AKAP13: variants seen among roughly 807,000 people sequenced by gnomAD.
AKAP13 encodes the protein A-kinase anchor protein 13.
AKAP13 carries 80 observed loss-of-function variants against 264.5 expected under a neutral mutation model. The ratio of observed to expected loss-of-function variants is 0.30; its 90% CI spans 0.25 to 0.36. AKAP13 has a LOEUF of 0.36. AKAP13 is among the 10% of genes least tolerant of loss of function. The pLI is 1.00. For missense variants in AKAP13, 3,712 were observed against 3,435.2 expected, an observed-to-expected ratio of 1.08 and a Z score of -2.01; for synonymous variants, 1,380 against 1,250.2, an observed-to-expected ratio of 1.10 and a Z score of -2.19.
In AKAP13 at chr15:85,718,281, T is replaced by G; in HGVS notation, c.6001+122T>G. 8.2e-7 allele frequency: 1 copy of G among 1,212,862 alleles called. No homozygotes were observed. Among genetic ancestry groups the G allele is most frequent in the Admixed American group, 2.4e-5 (1 of 41,948 alleles). The allele number at this position is 1,212,862 out of a possible 1,614,324, so 75.1% of individuals were successfully genotyped here. On this transcript the variant is annotated intron_variant, in intron 22 of 36. Transcript: ENST00000394518. The surrounding 1 kb of genome is among the most constrained non-coding windows in gnomAD (Gnocchi z 4.9). ...ATGTGGCTTCTTGAAAAGATTTCCT[T>G]TAAAAACTTTAAGGTACAGAGACGT...
At chr15:85,544,696 A>G (rs2077677187) in intron 5 of AKAP13, among the ~76,000 whole-genome samples, 1 of 152,262 alleles carries the variant, frequency 6.6e-6, no homozygotes, top group Non-Finnish European at 1.5e-5. Flanking sequence ...ATGTTTATAT[A>G]AAGAAGTTTC....
chr15:85,651,017 A>G (rs1441025516), intron 10 of AKAP13, among the ~76,000 whole-genome samples: 1 of 152,116 alleles, frequency 6.6e-6, no homozygotes, highest in Non-Finnish European at 1.5e-5. Flanking sequence ...ATGTTTGGGA[A>G]TAAATGGAGA....
chr15:85,487,888 T>G (rs900889060), intron 2 of AKAP13, among the ~76,000 whole-genome samples: 2 of 152,122 alleles, frequency 1.3e-5, no homozygotes, highest in African/African-American at 4.8e-5. Context: ...TGCGCCATCA[T>G]GCCTGGCTAT....
At chr15:85,524,841 G>T in intron 3 of AKAP13, among the ~76,000 whole-genome samples, 1 of 150,154 alleles carries the variant, frequency 6.7e-6, no homozygotes, top group Non-Finnish European at 1.5e-5. Context: ...CTGTCTGTCT[G>T]TCCCTCCCTC....
chr15:85,743,538 C>T lies in AKAP13; in HGVS notation c.8105C>T (p.Pro2702Leu), dbSNP rs752868534. 3 of 1,614,210 alleles carry T rather than the reference C, an allele frequency of 1.9e-6. No individual in the cohort carries two copies. The South Asian group carries it at 3.3e-5, about 18-fold the overall frequency. The change falls in exon 36 of 37, where the codon CCC (proline) becomes CTC (leucine). Residue 2702 changes from proline to leucine, a missense_variant. Transcript: ENST00000394518. ...CTGATGAGGATCCCATCGTTCTTCC[C>T]CAGTCCTGAGGAGCCCCCCTCGCCA... ...TKLMRIPSFF[P>L]SPEEPPSPSA...
chr15:85,691,984 C>T lies in AKAP13; in HGVS notation c.5290-1293C>T, dbSNP rs183827095. 710 of 429,856 alleles carry T rather than the reference C, an allele frequency of 1.7e-3. 11 individuals carry two copies. The highest frequency in any genetic ancestry group is 0.011 in the South Asian group (692 of 61,112). The allele number at this position is 429,856 out of a possible 1,614,324, so 26.6% of individuals were successfully genotyped here. A position where few individuals can be genotyped will look rare whatever the true frequency, so the allele number is the denominator to read the frequency against. On this transcript the variant is annotated intron_variant, in intron 16 of 36. Transcript: ENST00000394518. ...AGTGAGCTACTAAGCCTTGGGACTT[C>T]CTTTCCCTGGAACCCCATTTTTTTA... is the stretch of plus-strand genomic sequence containing the variant.
At chr15:85,451,107 A>G (rs987284045) in intron 1 of AKAP13, among the ~76,000 whole-genome samples, 1 of 152,026 alleles carries the variant, frequency 6.6e-6, no homozygotes, top group Non-Finnish European at 1.5e-5. Flanking sequence ...CCATTATCCC[A>G]TGCCCTTCCT....
At chr15:85,418,477 C>T (rs1024297698) in intron 1 of AKAP13, among the ~76,000 whole-genome samples, 2 of 152,136 alleles carry the variant, frequency 1.3e-5, no homozygotes, top group African/African-American at 2.4e-5. Flanking sequence ...ATGTGGCTAA[C>T]CCAAATTGAG....
chr15:85,619,429 A>C (rs766283731), intron 8 of AKAP13: 2 of 985,232 alleles, frequency 2.0e-6, no homozygotes, highest in Admixed American at 6.1e-5. Context: ...GAGATTTTCA[A>C]CTTAAATCAA....
chr15:85,741,334 C>G lies in AKAP13; in HGVS notation c.7897C>G (p.Leu2633Val), dbSNP rs148383842. 1 of 1,613,574 alleles carries G rather than the reference C, an allele frequency of 6.2e-7. No individual in the cohort carries two copies. The highest frequency in any genetic ancestry group is 1.3e-5 in the African/African-American group (1 of 75,036). The change falls in exon 35 of 37, where the codon CTG (leucine) becomes GTG (valine). Residue 2633 changes from leucine to valine, a missense_variant. Leu to Val is a conservative substitution (Grantham distance 32, BLOSUM62 1). This residue lies in a region of AKAP13 where 611 missense variants were observed against 539.3 expected (regional missense o/e 1.13). Transcript: ENST00000394518. ...GGAGGTGCAGCAGGGGCAGCAGGAC[C>G]TGGAAAAGGAGCGGGAGGAGCTCCA... ...EEEVQQGQQDLEKEREELQQK... is the reference protein window; with the variant it reads ...EEEVQQGQQDVEKEREELQQK...
In AKAP13 at chr15:85,695,399, A is replaced by G. The variant is rs367992829; in HGVS notation, c.5464+1948A>G. ...AGCCTGGGCAACAGAGTGAGACTCCATCTCAAAAAAACACACACAAAAAAA... is the reference window on the plus strand; with the variant it reads ...AGCCTGGGCAACAGAGTGAGACTCCGTCTCAAAAAAACACACACAAAAAAA... On this transcript the variant is annotated intron_variant, in intron 17 of 36. Coordinates refer to ENST00000394518, the MANE Select transcript of AKAP13 (RefSeq NM_007200.5). 2.0e-4 allele frequency among the ~76,000 whole-genome samples: 30 copies of G among 152,272 alleles called. No homozygotes were observed. In the East Asian group the frequency reaches 5.2e-3, roughly 27 times the overall value.
chr15:85,682,043 C>A, intron 14 of AKAP13, 115 bp from the exon 15 acceptor site: 1 of 934,048 alleles, frequency 1.1e-6, no homozygotes, highest in Non-Finnish European at 1.7e-6. Flanking sequence ...GTACCATGTG[C>A]TGACTTTCAC....
intron 8 of AKAP13, among the ~76,000 whole-genome samples, chr15:85,601,608 T>TTGTGTGTG (rs10574160): frequency 0.053 from 6,951 of 131,998 alleles, 212 homozygotes; most frequent in East Asian, 0.1. Context: ...CCTGAATTCT[T>TTGTGTGTG]TGTGTGTGTG....
At chr15:85,620,059 C>T in intron 8 of AKAP13, 5 of 1,535,898 alleles carry the variant, frequency 3.3e-6, no homozygotes, top group Non-Finnish European at 4.4e-6. Flanking sequence ...ATACTTCCTG[C>T]ATTTTCTCTG....
At chr15:85,722,375 T>C in intron 25 of AKAP13, 28 bp downstream of exon 25, 1 of 1,576,996 alleles carries the variant, frequency 6.3e-7, no homozygotes. Flanking sequence ...CTCGGTCTTG[T>C]ATGGTCATGG....
Position 85,559,821 on chromosome 15 carries a change from A to G in AKAP13, c.663-15310A>G, listed in dbSNP as rs147284037. On this transcript the variant is annotated intron_variant, in intron 5 of 36. Transcript: ENST00000394518. ...TTCCTACTGTGTGGCCTAACACGCC[A>G]TAGACTGGTACTGGTTTGTGGCATG... Among the ~76,000 whole-genome samples the G allele has an allele frequency of 7.0e-4, 107 of 152,304 alleles. 3 individuals carry two copies. In the East Asian group the frequency reaches 0.016, roughly 22 times the overall value.
In AKAP13 at chr15:85,708,330, A is replaced by G. The variant is rs1408779689; in HGVS notation, c.5532+244A>G. ...CTTTCAGAACTTCTTCACGTTCAAT[A>G]TACATTTCTTCGTGATTTTAATATT... On this transcript the variant is annotated intron_variant, in intron 18 of 36. Coordinates refer to ENST00000394518, the MANE Select transcript of AKAP13 (RefSeq NM_007200.5). The surrounding 1 kb of genome is among the most constrained non-coding windows in gnomAD (Gnocchi z 4.3). 1.3e-5 allele frequency among the ~76,000 whole-genome samples: 2 copies of G among 152,226 alleles called. No homozygotes were observed. Among genetic ancestry groups the G allele is most frequent in the Non-Finnish European group, 2.9e-5 (2 of 68,046 alleles).
chr15:85,424,645 A>G (rs1414925619), intron 1 of AKAP13, among the ~76,000 whole-genome samples: 1 of 152,146 alleles, frequency 6.6e-6, no homozygotes, highest in Non-Finnish European at 1.5e-5. Flanking sequence ...AACACTTGTA[A>G]TTTCCCGCAA....
rs1271154429 is a variant in AKAP13, at chr15:85,432,242, A to ATCG, written c.-12+51446_-12+51447insGTC. ...TTGGCTGCAAAATCCTGCCCACTTT[A>ATCG]TCTTCTATAAAAATGTATTTTTCCT... On this transcript the variant is annotated intron_variant, in intron 1 of 36. Transcript: ENST00000394518. Among the ~76,000 whole-genome samples the ATCG allele has an allele frequency of 1.5e-4, 23 of 152,148 alleles. No individual in the cohort carries two copies. The East Asian group carries it at 4.2e-3, about 28-fold the overall frequency.
Sources: allele counts gnomAD v4.1 joint callset (sites outside exome capture counted in the v4.1 genomes callset), GRCh38; gene constraint gnomAD v4.1.1; regional missense constraint gnomAD v4.1.1; non-coding constraint Gnocchi (gnomAD v3.1); transcripts MANE v1.5; gene names NCBI Gene and HGNC (gene_info 2026-07-23, HGNC 2026-07-21).